The following ARHGAP20 variants were observed in gnomAD, a reference collection of about 807,000 sequenced individuals.
The protein encoded by ARHGAP20 is rho GTPase-activating protein 20.
ARHGAP20 carries 34 observed loss-of-function variants against 73.7 expected under a neutral mutation model. The ratio of observed to expected loss-of-function variants is 0.46; its 90% CI spans 0.35 to 0.61. The LOEUF (loss-of-function observed/expected upper bound fraction) is 0.61, where lower values mean the gene tolerates loss of function less well. Among genes scored for constraint, ARHGAP20 ranks in the 20% least tolerant of loss-of-function variants. The pLI is 0.00. For missense variants in ARHGAP20, 1,314 were observed against 1,420.9 expected, an observed-to-expected ratio of 0.92 and a Z score of 1.21; for synonymous variants, 523 against 518.2, an observed-to-expected ratio of 1.01 and a Z score of -0.13.
chr11:110,578,919 A>C lies in ARHGAP20; in HGVS notation c.*451T>G. Reference sequence around the variant, plus strand: ...ACTGGACACACTTAATGCTTTGATTAGTGGCATTTTTCTTGCCTACTTATT... The same window carrying C: ...ACTGGACACACTTAATGCTTTGATTCGTGGCATTTTTCTTGCCTACTTATT... On this transcript the variant is annotated 3_prime_UTR_variant, in exon 15 of 15. Transcript: ENST00000683387. 1.0e-6 allele frequency: 1 copy of C among 987,342 alleles called. No homozygotes were observed. Among genetic ancestry groups the C allele is most frequent in the Non-Finnish European group, 1.2e-6 (1 of 831,132 alleles). The allele number at this position is 987,342 out of a possible 1,614,324, so 61.2% of individuals were successfully genotyped here. A position where few individuals can be genotyped will look rare whatever the true frequency, so the allele number is the denominator to read the frequency against.
At chr11:110,711,916 G>A in intron 1 of ARHGAP20, 1 of 1,257,874 alleles carries the variant, frequency 7.9e-7, no homozygotes. Context: ...CTCTAGAAAC[G>A]GAGAAGCGGG....
chr11:110,618,789 T>C (rs890071612), intron 4 of ARHGAP20, among the ~76,000 whole-genome samples: 1 of 46,148 alleles, frequency 2.2e-5, no homozygotes, highest in Non-Finnish European at 4.6e-5. Context: ...TATGCAGTGA[T>C]AGAGTGTATG....
chr11:110,687,055 TAGACACACACAC>T (rs1950149258), intron 2 of ARHGAP20, among the ~76,000 whole-genome samples: 25 of 113,440 alleles, frequency 2.2e-4, no homozygotes, highest in South Asian at 9.2e-4. Context: ...TATATATATA[TAGACACACACAC>T]ACACACACAC....
chr11:110,635,295 C>G (rs1218079719), intron 2 of ARHGAP20, among the ~76,000 whole-genome samples: 1 of 152,028 alleles, frequency 6.6e-6, no homozygotes, highest in African/African-American at 2.4e-5. Context: ...TTTAAAAATG[C>G]AAATTCTCGG....
At chr11:110,595,176 C>A (rs1350142091) in intron 9 of ARHGAP20, among the ~76,000 whole-genome samples, 6 of 151,958 alleles carry the variant, frequency 3.9e-5, no homozygotes, top group African/African-American at 1.5e-4. Context: ...GACAAACCCA[C>A]AGCCAATATC....
At chr11:110,635,354 A>T (rs899647559) in intron 2 of ARHGAP20, among the ~76,000 whole-genome samples, 4 of 152,238 alleles carry the variant, frequency 2.6e-5, no homozygotes, top group African/African-American at 9.6e-5. Flanking sequence ...TTGGCTCAGC[A>T]TCCTGCAGTT....
intron 9 of ARHGAP20, among the ~76,000 whole-genome samples, chr11:110,599,694 C>T (rs1021190165): frequency 6.6e-6 from 1 of 152,166 alleles, no homozygotes; most frequent in Non-Finnish European, 1.5e-5. Flanking sequence ...GCTCTTCCTC[C>T]CCTCTGAAGT....
chr11:110,577,253 T>TAATA lies in ARHGAP20; in HGVS notation c.*2113_*2116dup. 2 of 1,458,814 alleles carry TAATA rather than the reference T, an allele frequency of 1.4e-6. No homozygotes were observed. Among genetic ancestry groups the TAATA allele is most frequent in the South Asian group, 1.4e-5 (1 of 71,514 alleles). 90.4% of individuals were successfully genotyped at this position (1,458,814 alleles called of 1,614,324 possible). A position where few individuals can be genotyped will look rare whatever the true frequency, so the allele number is the denominator to read the frequency against. Reference sequence around the variant, plus strand: ...AAGCATTTTAGATAAAGCATCAGTCTAATATATTATAGATTGATGGAGTAT... The same window carrying TAATA: ...AAGCATTTTAGATAAAGCATCAGTCTAATAAATATATTATAGATTGATGGAGTAT... On this transcript the variant is annotated 3_prime_UTR_variant, in exon 15 of 15. Coordinates refer to ENST00000683387, the MANE Select transcript of ARHGAP20 (RefSeq NM_001384657.1).
In ARHGAP20 at chr11:110,580,796, T is replaced by C. The variant is rs760288682; in HGVS notation, c.2150A>G (p.Tyr717Cys). 7 of 1,614,034 alleles carry C rather than the reference T, an allele frequency of 4.3e-6. No individual in the cohort carries two copies. The highest frequency in any genetic ancestry group is 1.7e-5 in the Admixed American group (1 of 60,004). The change falls in exon 15 of 15, where the codon TAC (tyrosine) becomes TGC (cysteine). Residue 717 changes from tyrosine (Y) to cysteine (C), a missense_variant. Coordinates refer to ENST00000683387, the MANE Select transcript of ARHGAP20 (RefSeq NM_001384657.1). ...SIDYLDSKLSYLREFYQKKLR... is the reference protein window; with the variant it reads ...SIDYLDSKLSCLREFYQKKLR... Reference sequence around the variant, plus strand: ...CTTTTTCTGATAAAACTCCCTGAGGTAGGAAAGCTTTGAATCCAGATAGTC... The same window carrying C: ...CTTTTTCTGATAAAACTCCCTGAGGCAGGAAAGCTTTGAATCCAGATAGTC...
chr11:110,700,259 G>A (rs909131447), intron 1 of ARHGAP20, among the ~76,000 whole-genome samples: 2 of 151,974 alleles, frequency 1.3e-5, no homozygotes, highest in Non-Finnish European at 2.9e-5. Flanking sequence ...CATTTCAGTT[G>A]AATTATGGAT....
At chr11:110,630,092 CCTT>C (rs1426595874) in intron 3 of ARHGAP20, among the ~76,000 whole-genome samples, 1 of 152,174 alleles carries the variant, frequency 6.6e-6, no homozygotes, top group African/African-American at 2.4e-5. Context: ...GTTACACAGG[CCTT>C]CTTTTAATTC....
chr11:110,650,160 C>T (rs1442356865), intron 2 of ARHGAP20, among the ~76,000 whole-genome samples: 1 of 152,074 alleles, frequency 6.6e-6, no homozygotes. Context: ...TATTTTATAT[C>T]TATATGCCAT....
At chr11:110,616,438 T>C (rs1948484085) in intron 4 of ARHGAP20, among the ~76,000 whole-genome samples, 1 of 152,136 alleles carries the variant, frequency 6.6e-6, no homozygotes, top group Non-Finnish European at 1.5e-5. Flanking sequence ...AGAGGCATGA[T>C]CATGGCTCAC....
chr11:110,581,060 TC>T lies in ARHGAP20; in HGVS notation c.1885del (p.Glu629ArgfsTer6), dbSNP rs1244491988. 1 of 1,614,178 alleles carries T rather than the reference TC, an allele frequency of 6.2e-7. No homozygotes were observed. Among genetic ancestry groups the T allele is most frequent in the African/African-American group, 1.3e-5 (1 of 75,054 alleles). The stretch of plus-strand genomic sequence containing the variant: ...GCTTAGGGTTAAAAGGCCTTCCACC[TC>T]GGGCTGGTCAAGATCATAGTCACTG... ...TLSDYDLDQPEVEGLLTLSDF... is the reference protein window; with the variant it reads ...TLSDYDLDQPXVEGLLTLSDF... On this transcript the variant is annotated frameshift_variant, in exon 15 of 15. Transcript: ENST00000683387. LOFTEE classifies it low-confidence loss of function (END_TRUNC).
intron 2 of ARHGAP20, among the ~76,000 whole-genome samples, chr11:110,679,764 G>A (rs1950002591): frequency 6.6e-6 from 1 of 152,176 alleles, no homozygotes; most frequent in East Asian, 1.9e-4. Flanking sequence ...GCTAGAGCAG[G>A]AGACTAGAAT....
chr11:110,644,618 C>A (rs569786612), intron 2 of ARHGAP20, among the ~76,000 whole-genome samples: 6 of 152,006 alleles, frequency 3.9e-5, no homozygotes, highest in African/African-American at 1.4e-4. Flanking sequence ...AAACTGGATC[C>A]GTATCTATCT....
chr11:110,708,540 T>C (rs1453156248), intron 1 of ARHGAP20, among the ~76,000 whole-genome samples: 4 of 152,202 alleles, frequency 2.6e-5, no homozygotes, highest in Admixed American at 1.3e-4. Flanking sequence ...CATGATGGAA[T>C]GCTGCTCAGC....
chr11:110,691,908 A>C (rs1056974863), intron 1 of ARHGAP20, among the ~76,000 whole-genome samples: 10 of 152,184 alleles, frequency 6.6e-5, no homozygotes, highest in Admixed American at 4.6e-4. Flanking sequence ...AAAATAGATA[A>C]CATCAAACAT....
intron 2 of ARHGAP20, among the ~76,000 whole-genome samples, chr11:110,667,136 A>T (rs1949739745): frequency 6.6e-6 from 1 of 152,258 alleles, no homozygotes; most frequent in Non-Finnish European, 1.5e-5. Flanking sequence ...AATTGATGAA[A>T]ATGGCTACAC....
Sources: gnomAD v4.1 joint callset for allele counts (sites outside exome capture counted in the v4.1 genomes callset) on GRCh38, gnomAD v4.1.1 for gene constraint, MANE v1.5 for transcripts, NCBI Gene and HGNC (gene_info 2026-07-23, HGNC 2026-07-21) for gene names.